The following BACH2 variants were observed in gnomAD, a reference collection of about 807,000 sequenced individuals.
The protein encoded by BACH2 is BACH transcriptional regulator 2.
BACH2 carries 5 observed loss-of-function variants against 61.8 expected under a neutral mutation model. The observed-to-expected ratio is 0.08, with a 90% CI of 0.04 to 0.17. The LOEUF is 0.17. Among genes scored for constraint, BACH2 ranks in the 10% least tolerant of loss-of-function variants. The pLI is 1.00. For synonymous variants in BACH2, 446 were observed against 440.1 expected, an observed-to-expected ratio of 1.01 and a Z score of -0.17; for missense variants, 824 against 1,091.1, an observed-to-expected ratio of 0.76 and a Z score of 3.45.
intron 2 of BACH2, among the ~76,000 whole-genome samples, chr6:90,262,841 T>C (rs1771208099): frequency 6.6e-6 from 1 of 152,208 alleles, no homozygotes; most frequent in Non-Finnish European, 1.5e-5. Context: ...GTATATAAAC[T>C]AGAGTTCACA....
intron 3 of BACH2, among the ~76,000 whole-genome samples, chr6:90,210,749 A>G (rs548751707): frequency 6.6e-6 from 1 of 152,320 alleles, no homozygotes; most frequent in Non-Finnish European, 1.5e-5. Flanking sequence ...TGCCTTGAGA[A>G]AGTTAATCCC....
chr6:90,036,173 T>G (rs1311286666), intron 5 of BACH2, among the ~76,000 whole-genome samples: 1 of 148,640 alleles, frequency 6.7e-6, no homozygotes, highest in Non-Finnish European at 1.5e-5. Context: ...TTTTTTTTTC[T>G]GGGCTACATG....
chr6:90,296,355 C>T (rs1205164314), intron 1 of BACH2, 125 bp downstream of exon 1: 1 of 150,768 alleles, frequency 6.6e-6, no homozygotes, highest in East Asian at 2.0e-4. Context: ...GCCCGGCGGC[C>T]GGGGCTCCCT....
At chr6:90,124,880 A>G (rs959429168) in intron 4 of BACH2, among the ~76,000 whole-genome samples, 1 of 152,238 alleles carries the variant, frequency 6.6e-6, no homozygotes, top group Non-Finnish European at 1.5e-5. Context: ...GACCTTGCAC[A>G]CGAATGCTTG....
chr6:90,010,376 T>A (rs998970957), intron 5 of BACH2, among the ~76,000 whole-genome samples: 3 of 152,246 alleles, frequency 2.0e-5, no homozygotes, highest in South Asian at 2.1e-4. Flanking sequence ...TATATCTGGC[T>A]TCTTCTATTC....
chr6:90,260,620 T>C (rs1771126106), intron 2 of BACH2, among the ~76,000 whole-genome samples: 1 of 152,240 alleles, frequency 6.6e-6, no homozygotes, highest in Non-Finnish European at 1.5e-5. Context: ...CTGAATGATG[T>C]ACATGTTGTT....
chr6:90,188,991 T>C (rs1363094469), intron 4 of BACH2, among the ~76,000 whole-genome samples: 1 of 152,136 alleles, frequency 6.6e-6, no homozygotes, highest in African/African-American at 2.4e-5. Flanking sequence ...TTACTCTCTT[T>C]TTACAAAGTT....
intron 5 of BACH2, among the ~76,000 whole-genome samples, chr6:90,044,756 A>G (rs1779703734): frequency 6.6e-6 from 1 of 152,220 alleles, no homozygotes; most frequent in East Asian, 1.9e-4. Flanking sequence ...GAGAACGGAA[A>G]GAGTTAACGA....
intron 5 of BACH2, among the ~76,000 whole-genome samples, chr6:90,027,736 T>G (rs1778708435): frequency 6.6e-6 from 1 of 152,226 alleles, no homozygotes; most frequent in Non-Finnish European, 1.5e-5. Flanking sequence ...TTGGGGCCAT[T>G]GTTAGACTGT....
chr6:90,256,674 T>C (rs1211295753), intron 2 of BACH2, among the ~76,000 whole-genome samples: 2 of 152,236 alleles, frequency 1.3e-5, no homozygotes, highest in African/African-American at 2.4e-5. Flanking sequence ...CGTGATGTTA[T>C]AGGCTTAATA....
intron 3 of BACH2, among the ~76,000 whole-genome samples, chr6:90,226,122 G>A (rs1769905188): frequency 6.6e-6 from 1 of 152,162 alleles, no homozygotes; most frequent in South Asian, 2.1e-4. Context: ...ACAGAAAAAG[G>A]GGTGAAACCA....
intron 5 of BACH2, among the ~76,000 whole-genome samples, chr6:90,084,072 T>C (rs1416718330): frequency 1.1e-5 from 1 of 93,460 alleles, no homozygotes. Flanking sequence ...AAGGGAAGTG[T>C]GGTGTGTGCG....
At chr6:90,280,174 T>C (rs915744856) in intron 1 of BACH2, among the ~76,000 whole-genome samples, 57 of 152,198 alleles carry the variant, frequency 3.7e-4, no homozygotes, top group Non-Finnish European at 6.9e-4. Flanking sequence ...ATATATTTAT[T>C]TAAATATCCC....
At chr6:90,091,118 T>C (rs1248562147) in intron 4 of BACH2, among the ~76,000 whole-genome samples, 1 of 152,172 alleles carries the variant, frequency 6.6e-6, no homozygotes, top group East Asian at 1.9e-4. Flanking sequence ...GAATTTGGGC[T>C]TCAGAATTCC....
chr6:90,080,812 A>G, intron 5 of BACH2: 2 of 982,694 alleles, frequency 2.0e-6, no homozygotes, highest in Non-Finnish European at 2.4e-6. Flanking sequence ...ATCGTCTGGT[A>G]GTTAGCACAT....
intron 3 of BACH2, among the ~76,000 whole-genome samples, chr6:90,230,944 A>G (rs1055365518): frequency 1.3e-5 from 2 of 152,168 alleles, no homozygotes; most frequent in African/African-American, 4.8e-5. Context: ...GTGCATTATC[A>G]TGTGGAAGAT....
At chr6:90,106,875 C>T (rs1277055451) in intron 4 of BACH2, among the ~76,000 whole-genome samples, 1 of 152,302 alleles carries the variant, frequency 6.6e-6, no homozygotes, top group East Asian at 1.9e-4. Flanking sequence ...ACAGGGCAAC[C>T]AGAGGAAGGA....
chr6:90,018,076 C>CT (rs1778162845), intron 5 of BACH2, among the ~76,000 whole-genome samples: 1 of 152,190 alleles, frequency 6.6e-6, no homozygotes, highest in Non-Finnish European at 1.5e-5. Flanking sequence ...TCTGAGTACT[C>CT]TATCTAATGA....
intron 2 of BACH2, among the ~76,000 whole-genome samples, chr6:90,255,717 CA>C (rs1348573886): frequency 6.6e-6 from 1 of 152,194 alleles, no homozygotes; most frequent in Non-Finnish European, 1.5e-5. Flanking sequence ...CAGCAAGGTT[CA>C]TTCATTTGTA....
Sources: allele counts gnomAD v4.1 joint callset (sites outside exome capture counted in the v4.1 genomes callset), GRCh38; gene constraint gnomAD v4.1.1; transcripts MANE v1.5; gene names NCBI Gene and HGNC (gene_info 2026-07-23, HGNC 2026-07-21).